The following STAG1 variants were observed in gnomAD, a reference collection of about 807,000 sequenced individuals.
STAG1 encodes cohesin subunit SA-1.
A neutral mutation model predicts 170.9 loss-of-function variants in STAG1; 26 were observed. That is an observed-to-expected ratio of 0.15 (90% CI 0.11 to 0.21). STAG1 has a LOEUF of 0.21. Ranked by LOEUF, STAG1 falls within the 10% of genes least tolerant of loss-of-function variation. The pLI, the probability that STAG1 is intolerant of heterozygous loss-of-function variation, is 1.00. For synonymous variants in STAG1, 514 were observed against 497.7 expected (o/e 1.03, Z -0.44); for missense variants, 964 against 1,509.5 (o/e 0.64, Z 5.99).
At chr3:136,442,183 G>A (rs571120690) in intron 15 of STAG1, among the ~76,000 whole-genome samples, 74 of 152,192 alleles carry the variant, frequency 4.9e-4, no homozygotes, top group Non-Finnish European at 9.4e-4. Flanking sequence ...GGGTGACAGA[G>A]CAAGACTCAA....
intron 1 of STAG1, among the ~76,000 whole-genome samples, chr3:136,668,247 A>ATG (rs1941860590): frequency 1.3e-5 from 2 of 148,270 alleles, no homozygotes; most frequent in South Asian, 4.2e-4. Context: ...ATATATATAT[A>ATG]TAAAACACAT....
chr3:136,416,962 C>T (rs1451966038), intron 21 of STAG1, among the ~76,000 whole-genome samples: 1 of 151,612 alleles, frequency 6.6e-6, no homozygotes, highest in African/African-American at 2.4e-5. Flanking sequence ...TCTCCAGCCT[C>T]AGCCTCCCAA....
At chr3:136,497,384 T>C (rs1933165718) in intron 9 of STAG1, among the ~76,000 whole-genome samples, 1 of 151,214 alleles carries the variant, frequency 6.6e-6, no homozygotes, top group African/African-American at 2.4e-5. Flanking sequence ...AAACATATCA[T>C]GATAATGTGG....
chr3:136,565,344 T>C (rs542046587), intron 5 of STAG1, among the ~76,000 whole-genome samples: 1 of 152,226 alleles, frequency 6.6e-6, no homozygotes, highest in Non-Finnish European at 1.5e-5. Flanking sequence ...AGACACATAA[T>C]CTAATTTTAA....
chr3:136,354,754 C>CAAAAAAAAAAAAAAA, intron 28 of STAG1, among the ~76,000 whole-genome samples: 986 of 6,398 alleles, frequency 0.15, 241 homozygotes, highest in African/African-American at 0.17. Context: ...GAGAAAGAAC[C>CAAAAAAAAAAAAAAA]AAAAAAAAAA....
chr3:136,363,801 C>T (rs1936971270), intron 25 of STAG1, among the ~76,000 whole-genome samples: 1 of 152,178 alleles, frequency 6.6e-6, no homozygotes, highest in South Asian at 2.1e-4. Context: ...CTCACTCAAG[C>T]TGGAGTGCAG....
chr3:136,362,017 A>C (rs766608154), intron 26 of STAG1, among the ~76,000 whole-genome samples: 3 of 151,728 alleles, frequency 2.0e-5, no homozygotes, highest in Non-Finnish European at 4.4e-5. Flanking sequence ...GTGCAATGGC[A>C]TGATCTTGGA....
chr3:136,447,454 C>T (rs972448822), intron 14 of STAG1, among the ~76,000 whole-genome samples: 19 of 151,384 alleles, frequency 1.3e-4, no homozygotes, highest in African/African-American at 4.1e-4. Context: ...GGCAACAGAC[C>T]GAGATTTGGT....
chr3:136,356,724 T>G (rs6790083), intron 28 of STAG1, among the ~76,000 whole-genome samples: 1 of 152,036 alleles, frequency 6.6e-6, no homozygotes, highest in East Asian at 1.9e-4. Flanking sequence ...GGATTCATTA[T>G]AGTATTATCC....
intron 1 of STAG1, among the ~76,000 whole-genome samples, chr3:136,687,832 G>A (rs1237334651): frequency 2.6e-5 from 4 of 151,788 alleles, no homozygotes; most frequent in African/African-American, 9.7e-5. Context: ...CACCTCCTGG[G>A]TTCAAGTGAT....
chr3:136,423,099 C>T (rs935463756), intron 16 of STAG1, 55 bp from the exon 17 acceptor site: 4 of 1,197,634 alleles, frequency 3.3e-6, no homozygotes, highest in East Asian at 2.5e-5. Flanking sequence ...TAAATCCAAA[C>T]TGTTACATAT....
intron 16 of STAG1, among the ~76,000 whole-genome samples, chr3:136,425,677 T>C (rs971792550): frequency 2.0e-5 from 3 of 150,944 alleles, no homozygotes; most frequent in Admixed American, 6.6e-5. Context: ...ATGATTTAAA[T>C]ACGTGTATGT....
intron 5 of STAG1, among the ~76,000 whole-genome samples, chr3:136,561,817 ATTTT>A (rs62726661): frequency 1.4e-5 from 2 of 146,984 alleles, no homozygotes; most frequent in East Asian, 2.0e-4. Context: ...GGGTTAAAAC[ATTTT>A]TTTTTTTTTT....
intron 1 of STAG1, among the ~76,000 whole-genome samples, chr3:136,750,809 T>C (rs1935187762): frequency 6.6e-6 from 1 of 152,258 alleles, no homozygotes. Flanking sequence ...CATTCCATAT[T>C]TCCCTACTTG....
rs546425581 is a variant in STAG1, at chr3:136,423,054, A to C, written c.1651-10T>G. On this transcript the variant is annotated splice_polypyrimidine_tract_variant and intron_variant, in intron 16 of 33. Coordinates refer to ENST00000383202, the MANE Select transcript of STAG1 (RefSeq NM_005862.3). ...CTTTGGCAGTTAGCACCTAGAAACA[A>C]AATCGGAAAAGAAGAAGAGTATTGT... The C allele has an allele frequency of 7.0e-6, 11 of 1,570,350 alleles. No individual in the cohort carries two copies. The East Asian group carries it at 2.3e-4, about 32-fold the overall frequency.
chr3:136,556,579 T>G (rs906856449), intron 5 of STAG1, among the ~76,000 whole-genome samples: 1 of 151,834 alleles, frequency 6.6e-6, no homozygotes, highest in Non-Finnish European at 1.5e-5. Flanking sequence ...CGTTTTTTTT[T>G]TGTTTGTTTG....
intron 1 of STAG1, among the ~76,000 whole-genome samples, chr3:136,636,521 AT>A (rs1001953850): frequency 1.3e-5 from 2 of 152,204 alleles, no homozygotes; most frequent in Non-Finnish European, 2.9e-5. Flanking sequence ...AAAACTTTTT[AT>A]TGAATATAAC....
chr3:136,599,388 G>A (rs751936783), intron 4 of STAG1, among the ~76,000 whole-genome samples: 30 of 151,948 alleles, frequency 2.0e-4, no homozygotes, highest in Admixed American at 6.6e-4. Flanking sequence ...AAAATTAGCC[G>A]AGCATGGTGA....
chr3:136,710,583 T>C lies in STAG1; in HGVS notation c.-84+41612A>G, dbSNP rs568202810. Among the ~76,000 whole-genome samples the C allele has an allele frequency of 3.2e-3, 483 of 152,304 alleles. 2 individuals carry two copies. Among genetic ancestry groups the C allele is most frequent in the Non-Finnish European group, 5.6e-3 (378 of 68,024 alleles). On this transcript the variant is annotated intron_variant, in intron 1 of 33. Coordinates refer to ENST00000383202, the MANE Select transcript of STAG1 (RefSeq NM_005862.3). ...CACTGAAACAAGATTGCAATGTGCA[T>C]ACTGTATTTCACTTCGATGTTGGTT...
Sources: gnomAD v4.1 joint callset for allele counts (sites outside exome capture counted in the v4.1 genomes callset) on GRCh38, gnomAD v4.1.1 for gene constraint, MANE v1.5 for transcripts, NCBI Gene and HGNC (gene_info 2026-07-23, HGNC 2026-07-21) for gene names.